CFAP36: variants seen among roughly 807,000 people sequenced by gnomAD.
CFAP36 encodes the protein cilia and flagella associated protein 36.
In CFAP36, 37 loss-of-function variants were observed where a neutral mutation model predicts 50.5. The observed-to-expected ratio is 0.73, with a 90% CI of 0.56 to 0.96. The LOEUF is 0.96. Among genes scored for constraint, CFAP36 ranks in the 50% least tolerant of loss-of-function variants. The probability of loss-of-function intolerance (pLI) is 0.00; values close to 1 mark genes in which losing one functional copy is unlikely to be tolerated. For synonymous variants in CFAP36, 138 were observed against 128.2 expected, an observed-to-expected ratio of 1.08 and a Z score of -0.52; for missense variants, 407 against 396.2, an observed-to-expected ratio of 1.03 and a Z score of -0.23.
chr2:55,521,465 C>T lies in CFAP36; in HGVS notation c.116-637C>T, dbSNP rs567792572. On this transcript the variant is annotated intron_variant, in intron 1 of 9. Coordinates refer to ENST00000349456, the MANE Select transcript of CFAP36 (RefSeq NM_080667.7). ...GATTTAACCATTAACAATAATATTA[C>T]ATTAAAAGTTATGAAGAAATTATTG... 3.3e-5 allele frequency among the ~76,000 whole-genome samples: 5 copies of T among 152,012 alleles called. No homozygotes were observed. The East Asian group carries it at 9.6e-4, about 29-fold the overall frequency.
intron 4 of CFAP36, among the ~76,000 whole-genome samples, chr2:55,533,487 T>G (rs1684403296): frequency 2.0e-5 from 3 of 151,936 alleles, no homozygotes; most frequent in Non-Finnish European, 4.4e-5. Context: ...GCAGATGACT[T>G]GAGGTCAGGA....
intron 7 of CFAP36, among the ~76,000 whole-genome samples, chr2:55,541,094 T>C (rs1254253821): frequency 6.6e-6 from 1 of 151,934 alleles, no homozygotes; most frequent in Non-Finnish European, 1.5e-5. Context: ...GAGGCCGAGG[T>C]GGTGGATCAC....
chr2:55,527,147 A>G (rs1362267263), intron 3 of CFAP36, among the ~76,000 whole-genome samples: 1 of 152,244 alleles, frequency 6.6e-6, no homozygotes, highest in Non-Finnish European at 1.5e-5. Context: ...CCTAATAACA[A>G]AGCAACAAAA....
chr2:55,544,049 A>G lies in CFAP36; in HGVS notation c.752A>G (p.His251Arg), dbSNP rs1403019257. 2 of 1,613,998 alleles carry G rather than the reference A, an allele frequency of 1.2e-6. No homozygotes were observed. Among genetic ancestry groups the G allele is most frequent in the Admixed American group, 1.7e-5 (1 of 59,970 alleles). ...QKDLKIPGLEHASIEGPIANL... is the reference protein window; with the variant it reads ...QKDLKIPGLERASIEGPIANL... ...GACCTGAAGATTCCTGGCTTAGAGC[A>G]TGCGAGCATTGAAGGACCAATAGCA... The change falls in exon 8 of 10, where the codon CAT becomes CGT. Residue 251 changes from histidine (H) to arginine (R), a missense_variant. By Grantham distance (29) the His-to-Arg change is conservative. Transcript: ENST00000349456.
At chr2:55,533,809 C>T in intron 4 of CFAP36, 64 bp from the exon 5 acceptor site, 3 of 939,096 alleles carry the variant, frequency 3.2e-6, no homozygotes, top group Non-Finnish European at 4.9e-6. Flanking sequence ...GGAACGAGAA[C>T]AGTGAGAAAT....
At chr2:55,544,812 T>C (rs544944046) in intron 9 of CFAP36, 95 bp from the exon 10 acceptor site, 57 of 710,004 alleles carry the variant, frequency 8.0e-5, no homozygotes, top group Admixed American at 1.8e-4. Flanking sequence ...CACAAGAAGG[T>C]GCCCCCGATT....
In CFAP36 at chr2:55,522,112, TGAA is replaced by T. The variant is rs1218010197; in HGVS notation, c.133_135del (p.Glu45del). Reference sequence around the variant, plus strand: ...TTCTTTTAAATTTAGTTTTTGATGATGAAGAAGAAAGCAAATTGACCTATACAG... The same window carrying T: ...TTCTTTTAAATTTAGTTTTTGATGATGAAGAAAGCAAATTGACCTATACAG... On this transcript the variant is annotated inframe_deletion, in exon 2 of 10. Transcript: ENST00000349456. 2.0e-6 allele frequency: 3 copies of T among 1,509,964 alleles called. No individual in the cohort carries two copies. Among genetic ancestry groups the T allele is most frequent in the Non-Finnish European group, 2.7e-6 (3 of 1,100,690 alleles). The allele number at this position is 1,509,964 out of a possible 1,614,324, so 93.5% of individuals were successfully genotyped here.
intron 3 of CFAP36, among the ~76,000 whole-genome samples, chr2:55,528,568 AT>A (rs1254064256): frequency 6.6e-6 from 1 of 151,568 alleles, no homozygotes; most frequent in African/African-American, 2.4e-5. Context: ...TAATTTTTTT[AT>A]TTTTTTAGTA....
At chr2:55,529,914 C>T (rs191362294) in intron 4 of CFAP36, among the ~76,000 whole-genome samples, 22 of 151,802 alleles carry the variant, frequency 1.4e-4, no homozygotes, top group East Asian at 3.9e-4. Context: ...CCAACGTGGC[C>T]GGAAGCAGTG....
At chr2:55,536,246 CCT>C (rs1684484676) in intron 6 of CFAP36, among the ~76,000 whole-genome samples, 1 of 151,610 alleles carries the variant, frequency 6.6e-6, no homozygotes, top group African/African-American at 2.4e-5. Flanking sequence ...GATTCTCCTG[CCT>C]CAGCCTCCAG....
At chr2:55,533,383 G>A (rs1684400682) in intron 4 of CFAP36, among the ~76,000 whole-genome samples, 1 of 152,188 alleles carries the variant, frequency 6.6e-6, no homozygotes, top group African/African-American at 2.4e-5. Context: ...GGCTTATTCT[G>A]TAAAATAGGA....
chr2:55,543,340 A>G (rs1574628155), intron 7 of CFAP36, among the ~76,000 whole-genome samples: 1 of 152,136 alleles, frequency 6.6e-6, no homozygotes, highest in South Asian at 2.1e-4. Flanking sequence ...GCTGGAAAGT[A>G]TTTAGTGCTC....
At chr2:55,544,518 T>C in intron 9 of CFAP36, 149 bp downstream of exon 9, 2 of 716,304 alleles carry the variant, frequency 2.8e-6, no homozygotes, top group South Asian at 2.3e-5. Flanking sequence ...AAGTCTTTTC[T>C]AGGAAGTGAA....
intron 8 of CFAP36, 46 bp from the exon 9 acceptor site, chr2:55,544,174 C>T (rs1684713445): frequency 1.2e-6 from 2 of 1,608,852 alleles, no homozygotes; most frequent in Non-Finnish European, 1.7e-6. Flanking sequence ...GTGCTACTTA[C>T]TAAATGGATT....
chr2:55,526,347 T>A (rs995660617), intron 3 of CFAP36, among the ~76,000 whole-genome samples: 4 of 152,202 alleles, frequency 2.6e-5, no homozygotes, highest in Non-Finnish European at 5.9e-5. Flanking sequence ...CTAGAAGAGG[T>A]TGCCTTGACT....
chr2:55,543,182 C>T (rs1351296085), intron 7 of CFAP36, among the ~76,000 whole-genome samples: 1 of 151,868 alleles, frequency 6.6e-6, no homozygotes, highest in East Asian at 1.9e-4. Flanking sequence ...AATGTCTTTG[C>T]TTGTCTCAGT....
At chr2:55,536,614 C>CTAA (rs1461815936) in intron 6 of CFAP36, among the ~76,000 whole-genome samples, 3 of 151,904 alleles carry the variant, frequency 2.0e-5, no homozygotes, top group Non-Finnish European at 4.4e-5. Context: ...CCACGCCCAG[C>CTAA]TAATTTTTTG....
chr2:55,531,287 A>G (rs1684345270), intron 4 of CFAP36: 1 of 152,212 alleles, frequency 6.6e-6, no homozygotes, highest in African/African-American at 2.4e-5. Flanking sequence ...TTAGTAAACA[A>G]ATTTTTTTAG....
intron 7 of CFAP36, among the ~76,000 whole-genome samples, chr2:55,542,751 C>T (rs936388107): frequency 3.3e-5 from 5 of 152,198 alleles, no homozygotes; most frequent in African/African-American, 1.2e-4. Context: ...TGTCCCTTCT[C>T]CAGTTCTGTG....
Sources: gnomAD v4.1 joint callset for allele counts (sites outside exome capture counted in the v4.1 genomes callset) on GRCh38, gnomAD v4.1.1 for gene constraint, MANE v1.5 for transcripts, NCBI Gene and HGNC (gene_info 2026-07-23, HGNC 2026-07-21) for gene names.